VAMP7: variants seen among roughly 807,000 people sequenced by gnomAD.
VAMP7 encodes vesicle associated membrane protein 7.
VAMP7 carries 14 observed loss-of-function variants against 29.6 expected under a neutral mutation model. That is an observed-to-expected ratio of 0.47 (90% CI 0.31 to 0.74). The LOEUF (loss-of-function observed/expected upper bound fraction) is 0.74. Among genes scored for constraint, VAMP7 ranks in the 30% least tolerant of loss-of-function variants. The probability of loss-of-function intolerance (pLI) is 0.05; values close to 1 mark genes in which losing one functional copy is unlikely to be tolerated. For synonymous variants in VAMP7, 95 were observed against 88.1 expected (o/e 1.08, Z -0.44); for missense variants, 223 against 262.4 (o/e 0.85, Z 1.04).
intron 2 of VAMP7, among the ~76,000 whole-genome samples, chrX:155,890,065 A>G (rs1437577753): frequency 6.6e-6 from 1 of 151,978 alleles, no homozygotes; most frequent in South Asian, 2.1e-4. Context: ...CACGATGTCA[A>G]GGGTTGGGGG....
intron 6 of VAMP7, among the ~76,000 whole-genome samples, chrX:155,930,233 G>C (rs949467118): frequency 8.5e-5 from 13 of 152,260 alleles, no homozygotes; most frequent in African/African-American, 3.1e-4. Context: ...TCAGTCTCCA[G>C]CTCCACTTGG....
chrX:155,904,593 C>G (rs2066120684), intron 5 of VAMP7, among the ~76,000 whole-genome samples: 1 of 151,878 alleles, frequency 6.6e-6, no homozygotes, highest in South Asian at 2.1e-4. Context: ...TGCAGTTGCT[C>G]CTCAACTCTC....
At chrX:155,911,426 T>C (rs2066235508) in intron 5 of VAMP7, among the ~76,000 whole-genome samples, 1 of 152,186 alleles carries the variant, frequency 6.6e-6, no homozygotes, top group African/African-American at 2.4e-5. Flanking sequence ...GCTTTGGCTA[T>C]TTGGACTCTT....
chrX:155,901,926 G>C (rs1312814187), intron 5 of VAMP7, among the ~76,000 whole-genome samples: 2 of 152,194 alleles, frequency 1.3e-5, no homozygotes, highest in South Asian at 4.2e-4. Context: ...TTGGTAGCTT[G>C]ATGGGGATGG....
chrX:155,905,939 G>A (rs954985948), intron 5 of VAMP7, among the ~76,000 whole-genome samples: 4 of 150,426 alleles, frequency 2.7e-5, no homozygotes, highest in African/African-American at 9.8e-5. Flanking sequence ...AAGCTATCTG[G>A]GATTTTGATA....
intron 6 of VAMP7, among the ~76,000 whole-genome samples, chrX:155,926,995 G>A (rs529606173): frequency 6.6e-6 from 1 of 152,198 alleles, no homozygotes; most frequent in African/African-American, 2.4e-5. Flanking sequence ...TATGGCACCC[G>A]AAAACAATCA....
At chrX:155,893,831 A>G (rs1294313404) in intron 2 of VAMP7, among the ~76,000 whole-genome samples, 1 of 152,258 alleles carries the variant, frequency 6.6e-6, no homozygotes, top group Non-Finnish European at 1.5e-5. Flanking sequence ...CTATAGCACC[A>G]GGCAAGCCTG....
chrX:155,919,477 G>T (rs1473124717), intron 5 of VAMP7, among the ~76,000 whole-genome samples: 1 of 152,154 alleles, frequency 6.6e-6, no homozygotes, highest in Non-Finnish European at 1.5e-5. Context: ...TATCTATGGT[G>T]TTGGTTGGGC....
chrX:155,917,048 T>C (rs2066323513), intron 5 of VAMP7, among the ~76,000 whole-genome samples: 1 of 152,256 alleles, frequency 6.6e-6, no homozygotes, highest in South Asian at 2.1e-4. Flanking sequence ...GGAGCCTTTG[T>C]TCATTCCTTT....
intron 5 of VAMP7, among the ~76,000 whole-genome samples, chrX:155,903,884 C>T (rs200252377): frequency 1.3e-4 from 20 of 152,116 alleles, no homozygotes; most frequent in South Asian, 4.2e-4. Context: ...TAAATCATGC[C>T]GCTATAAAGA....
At chrX:155,930,208 C>A (rs2124380215) in intron 6 of VAMP7, among the ~76,000 whole-genome samples, 1 of 152,232 alleles carries the variant, frequency 6.6e-6, no homozygotes, top group African/African-American at 2.4e-5. Context: ...TGACTGACTG[C>A]CCTCTGGCTT....
chrX:155,936,403 C>A (rs1297480428), intron 6 of VAMP7, among the ~76,000 whole-genome samples: 1 of 152,138 alleles, frequency 6.6e-6, no homozygotes, highest in Non-Finnish European at 1.5e-5. Flanking sequence ...CAATGGCGGG[C>A]GCCTCTCCTC....
chrX:155,919,461 A>G (rs1602983591), intron 5 of VAMP7, among the ~76,000 whole-genome samples: 1 of 152,260 alleles, frequency 6.6e-6, no homozygotes, highest in East Asian at 1.9e-4. Context: ...CTTTTTCTTG[A>G]GGATATATCT....
chrX:155,919,916 A>G, intron 6 of VAMP7, 36 bp downstream of exon 6: 1 of 1,504,046 alleles, frequency 6.6e-7, no homozygotes, highest in Non-Finnish European at 9.2e-7. Context: ...AGTCTGATGT[A>G]AAGTGGAGAA....
intron 6 of VAMP7, among the ~76,000 whole-genome samples, chrX:155,934,943 T>A (rs943700051): frequency 1.3e-5 from 2 of 152,152 alleles, no homozygotes; most frequent in African/African-American, 4.8e-5. Context: ...AGGATTTTAT[T>A]TTTCCTTCAC....
At chrX:155,893,171 C>G (rs2065945520) in intron 2 of VAMP7, among the ~76,000 whole-genome samples, 1 of 152,102 alleles carries the variant, frequency 6.6e-6, no homozygotes. Context: ...ACTTACAAGT[C>G]TGGTTTAGGA....
intron 5 of VAMP7, 112 bp from the exon 6 acceptor site, chrX:155,919,701 G>A: frequency 1.1e-6 from 1 of 919,050 alleles, no homozygotes; most frequent in Non-Finnish European, 1.7e-6. Context: ...AAGCATGCCT[G>A]TCCTTTGGCC....
intron 3 of VAMP7, 115 bp from the exon 4 acceptor site, chrX:155,897,997 C>G: frequency 7.6e-7 from 1 of 1,316,120 alleles, no homozygotes; most frequent in Non-Finnish European, 1.0e-6. Flanking sequence ...ATGCTAGTTC[C>G]TCCTCAGATA....
chrX:155,910,900 CTTGA>C (rs980426264), intron 5 of VAMP7, among the ~76,000 whole-genome samples: 1 of 152,128 alleles, frequency 6.6e-6, no homozygotes, highest in Non-Finnish European at 1.5e-5. Flanking sequence ...TCTCTTCACT[CTTGA>C]TTATTTCCTT....
Sources: allele counts gnomAD v4.1 joint callset (sites outside exome capture counted in the v4.1 genomes callset), GRCh38; gene constraint gnomAD v4.1.1; transcripts MANE v1.5; gene names NCBI Gene and HGNC (gene_info 2026-07-23, HGNC 2026-07-21).